RGS6: variants seen among roughly 807,000 people sequenced by gnomAD.
RGS6 encodes regulator of G-protein signaling 6.
A neutral mutation model predicts 78.5 loss-of-function variants in RGS6; 30 were observed. That is an observed-to-expected ratio of 0.38 (90% CI 0.29 to 0.52). RGS6 has a LOEUF of 0.52. RGS6 is among the 20% of genes least tolerant of loss of function. The pLI, the probability that RGS6 is intolerant of heterozygous loss-of-function variation, is 0.85. For synonymous variants in RGS6, 206 were observed against 206.0 expected (o/e 1.00, Z 0.00); for missense variants, 495 against 609.7 (o/e 0.81, Z 1.98).
intron 2 of RGS6, among the ~76,000 whole-genome samples, chr14:72,225,259 G>A (rs1035608010): frequency 6.6e-6 from 1 of 152,188 alleles, no homozygotes; most frequent in African/African-American, 2.4e-5. Flanking sequence ...GATATGTGAA[G>A]TGGCCCTTGG....
chr14:72,597,185 G>A, the RGS6 span, among the ~76,000 whole-genome samples: 1 of 151,400 alleles, frequency 6.6e-6, no homozygotes, highest in Non-Finnish European at 1.5e-5. Flanking sequence ...GTTGCAGTGA[G>A]CCAAGATCGT....
At chr14:72,589,967 T>C in the RGS6 span, among the ~76,000 whole-genome samples, 2 of 151,864 alleles carry the variant, frequency 1.3e-5, no homozygotes, top group African/African-American at 2.4e-5. Flanking sequence ...ATAACCTAAT[T>C]AAAAAGTGGC....
chr14:72,626,079 C>A, the RGS6 span, among the ~76,000 whole-genome samples: 2 of 152,154 alleles, frequency 1.3e-5, no homozygotes, highest in Non-Finnish European at 2.9e-5. Context: ...GGTATAGTTA[C>A]ATTATCTATT....
intron 2 of RGS6, among the ~76,000 whole-genome samples, chr14:72,141,507 G>A (rs1261605432): frequency 2.0e-5 from 3 of 152,090 alleles, no homozygotes; most frequent in Non-Finnish European, 4.4e-5. Flanking sequence ...GATTCTCTCC[G>A]GGTAATATCT....
intron 2 of RGS6, among the ~76,000 whole-genome samples, chr14:72,287,054 C>T (rs762664370): frequency 1.3e-5 from 2 of 152,070 alleles, no homozygotes; most frequent in Non-Finnish European, 2.9e-5. Context: ...AAAGTGCTGG[C>T]CTCCCAGGTG....
At chr14:72,556,474 G>A (rs1398020467) in intron 17 of RGS6, among the ~76,000 whole-genome samples, 1 of 152,198 alleles carries the variant, frequency 6.6e-6, no homozygotes, top group Non-Finnish European at 1.5e-5. Context: ...TTTGGGTTCA[G>A]ACCCAGAGCC....
At chr14:72,457,344 T>G (rs538600861) in intron 4 of RGS6, among the ~76,000 whole-genome samples, 50 of 152,380 alleles carry the variant, frequency 3.3e-4, no homozygotes, top group Middle Eastern at 3.4e-3. Flanking sequence ...ACAATTTCCA[T>G]GTCCAAAAAT....
intron 2 of RGS6, among the ~76,000 whole-genome samples, chr14:72,102,758 C>T (rs531855112): frequency 1.3e-5 from 2 of 152,120 alleles, no homozygotes; most frequent in Non-Finnish European, 2.9e-5. Flanking sequence ...ATACAATTAA[C>T]TTTAAGAAAC....
At chr14:72,342,664 A>C (rs1249586016) in intron 2 of RGS6, among the ~76,000 whole-genome samples, 1 of 149,984 alleles carries the variant, frequency 6.7e-6, no homozygotes, top group Non-Finnish European at 1.5e-5. Context: ...TGGGAGGTGA[A>C]AGTTGCAGTG....
chr14:72,194,158 T>C (rs947244681), intron 2 of RGS6, among the ~76,000 whole-genome samples: 1 of 152,064 alleles, frequency 6.6e-6, no homozygotes, highest in African/African-American at 2.4e-5. Context: ...CAGATCGTCA[T>C]GTATTTTGAA....
downstream of RGS6, among the ~76,000 whole-genome samples, chr14:72,570,574 G>A (rs1439412249): frequency 6.6e-6 from 1 of 152,216 alleles, no homozygotes; most frequent in South Asian, 2.1e-4. Context: ...GCAACTCCAG[G>A]TTGACCGGCT....
chr14:72,306,081 G>A (rs151270586), intron 2 of RGS6, among the ~76,000 whole-genome samples: 33 of 152,340 alleles, frequency 2.2e-4, no homozygotes, highest in Non-Finnish European at 3.4e-4. Flanking sequence ...AGCTGGTGAA[G>A]CCAATGCTCA....
chr14:72,168,658 C>A (rs566224086), intron 2 of RGS6, among the ~76,000 whole-genome samples: 2 of 152,168 alleles, frequency 1.3e-5, no homozygotes, highest in East Asian at 3.9e-4. Context: ...TCTAATATAG[C>A]TACTAACAAG....
chr14:72,196,509 G>A (rs749331921), intron 2 of RGS6, among the ~76,000 whole-genome samples: 11 of 152,142 alleles, frequency 7.2e-5, no homozygotes, highest in Admixed American at 7.2e-4. Context: ...CATGCCCCCT[G>A]TTCCTCCTGG....
At chr14:72,296,364 G>T (rs768256423) in intron 2 of RGS6, among the ~76,000 whole-genome samples, 2 of 152,124 alleles carry the variant, frequency 1.3e-5, no homozygotes, top group African/African-American at 4.8e-5. Flanking sequence ...CCTAGGAGTA[G>T]AATTGCTGAG....
the RGS6 span, among the ~76,000 whole-genome samples, chr14:72,580,447 C>T: frequency 6.6e-6 from 1 of 152,080 alleles, no homozygotes; most frequent in African/African-American, 2.4e-5. Context: ...CTGATGGTCC[C>T]CAGAAGTGCA....
At chr14:71,903,268 G>A in the RGS6 span, among the ~76,000 whole-genome samples, 11 of 152,250 alleles carry the variant, frequency 7.2e-5, no homozygotes, top group East Asian at 7.7e-4. Flanking sequence ...TTTCCTAACC[G>A]GTTGAGGTCC....
At chr14:72,475,830 G>GCACACACACACACACACACACGCACA (rs1555424340) in intron 10 of RGS6, among the ~76,000 whole-genome samples, 14 of 145,702 alleles carry the variant, frequency 9.6e-5, no homozygotes, top group African/African-American at 3.6e-4. Context: ...AAAAATACAC[G>GCACACACACACACACACACACGCACA]CACACACACA....
rs1175540088 is a variant in RGS6 at position 72,293,586 on chromosome 14, A to G, written c.85-58509A>G. Among the ~76,000 whole-genome samples the G allele has an allele frequency of 6.4e-4, 97 of 152,102 alleles. 1 individual carries two copies. Among genetic ancestry groups the G allele is most frequent in the Non-Finnish European group, 7.3e-5 (5 of 68,028 alleles). On this transcript the variant is annotated intron_variant, in intron 2 of 17. Transcript: ENST00000553525. ...TATATTCTTAGAATCCATAGGATCC[A>G]TATATTCTTAGAATCCATAGGATCC...
Sources: allele counts gnomAD v4.1 joint callset (sites outside exome capture counted in the v4.1 genomes callset), GRCh38; gene constraint gnomAD v4.1.1; transcripts MANE v1.5; gene names NCBI Gene and HGNC (gene_info 2026-07-23, HGNC 2026-07-21).